The following ABI1 variants were observed in gnomAD, a reference collection of about 807,000 sequenced individuals.
ABI1 encodes abl interactor 1.
ABI1 carries 14 observed loss-of-function variants against 54.6 expected under a neutral mutation model. The observed-to-expected ratio is 0.26, with a 90% CI of 0.17 to 0.40. The LOEUF is 0.40. Among genes scored for constraint, ABI1 ranks in the 10% least tolerant of loss-of-function variants. ABI1 has a pLI of 1.00. For synonymous variants in ABI1, 194 were observed against 209.3 expected (o/e 0.93, Z 0.63); for missense variants, 443 against 598.3 (o/e 0.74, Z 2.71).
intron 1 of ABI1, among the ~76,000 whole-genome samples, chr10:26,855,088 T>C (rs2050702504): frequency 6.6e-6 from 1 of 152,208 alleles, no homozygotes; most frequent in Non-Finnish European, 1.5e-5. Flanking sequence ...AACCAGTAAG[T>C]ATATAATGCA....
chr10:26,839,132 T>C (rs1331896460), intron 1 of ABI1, among the ~76,000 whole-genome samples: 1 of 152,178 alleles, frequency 6.6e-6, no homozygotes, highest in Non-Finnish European at 1.5e-5. Flanking sequence ...GAAACAAAAA[T>C]TAAACATTTA....
intron 1 of ABI1, among the ~76,000 whole-genome samples, chr10:26,853,433 C>T (rs1375205913): frequency 6.6e-6 from 1 of 150,680 alleles, no homozygotes. Context: ...ATAAATATTA[C>T]AATCAACACA....
At chr10:26,789,368 G>A (rs1233238469) in intron 2 of ABI1, among the ~76,000 whole-genome samples, 1 of 152,060 alleles carries the variant, frequency 6.6e-6, no homozygotes, top group Non-Finnish European at 1.5e-5. Context: ...TGTACAGGGG[G>A]AATCACCTTT....
chr10:26,773,216 T>TC (rs1008738575), intron 3 of ABI1, among the ~76,000 whole-genome samples: 9 of 90,394 alleles, frequency 1.0e-4, no homozygotes, highest in African/African-American at 6.4e-4. Context: ...ATGCTAATTC[T>TC]TTTTTTTTTT....
chr10:26,853,170 G>A (rs895920883), intron 1 of ABI1, among the ~76,000 whole-genome samples: 2 of 143,228 alleles, frequency 1.4e-5, no homozygotes, highest in African/African-American at 5.2e-5. Flanking sequence ...GGGAGGCGGA[G>A]CTTGCAGTGA....
chr10:26,795,440 G>T (rs1844030683), intron 2 of ABI1, among the ~76,000 whole-genome samples: 2 of 152,080 alleles, frequency 1.3e-5, no homozygotes, highest in Non-Finnish European at 2.9e-5. Context: ...ATTTAAATCA[G>T]AAAGGAAGTA....
At chr10:26,758,017 G>A (rs185558422) in intron 8 of ABI1, among the ~76,000 whole-genome samples, 2 of 135,752 alleles carry the variant, frequency 1.5e-5, no homozygotes, top group East Asian at 2.3e-4. Flanking sequence ...GCAGTGGACC[G>A]AGATCGCGCC....
At chr10:26,787,985 T>C (rs1020498265) in intron 2 of ABI1, among the ~76,000 whole-genome samples, 2 of 152,226 alleles carry the variant, frequency 1.3e-5, no homozygotes, top group Non-Finnish European at 1.5e-5. Context: ...ATTTTGCTTA[T>C]GATAAGGTTT....
Position 26,768,859 on chromosome 10 carries a change from T to C in ABI1, c.712A>G (p.Thr238Ala). ...RTASLNQRPR[T>A]HSGSSGGSGS... The stretch of plus-strand genomic sequence containing the variant: ...CTCAACCTAAAGGCTTACCTGTGTG[T>C]CCTTGGTCTCTGATTTAAAGATGCT... The change falls in exon 6 of 11, where the codon ACA becomes GCA. Residue 238 changes from threonine to alanine, a missense_variant. This residue lies in a region of ABI1 where 394 missense variants were observed against 484.8 expected (regional missense o/e 0.81). Transcript: ENST00000376140. 1 of 1,612,822 alleles carries C rather than the reference T, an allele frequency of 6.2e-7. No individual in the cohort carries two copies. Among genetic ancestry groups the C allele is most frequent in the Non-Finnish European group, 8.5e-7 (1 of 1,179,342 alleles).
At chr10:26,833,031 T>G (rs1337114684) in intron 1 of ABI1, among the ~76,000 whole-genome samples, 1 of 152,154 alleles carries the variant, frequency 6.6e-6, no homozygotes, top group Admixed American at 6.5e-5. Context: ...AAAAATAAAT[T>G]TTTTGCATGA....
intron 1 of ABI1, among the ~76,000 whole-genome samples, chr10:26,855,969 T>C (rs1354234787): frequency 3.9e-5 from 2 of 50,746 alleles, no homozygotes; most frequent in Non-Finnish European, 6.2e-5. Context: ...AGACTCCATC[T>C]CAAAAAAAAA....
chr10:26,774,604 T>A (rs1841146941), intron 3 of ABI1, among the ~76,000 whole-genome samples: 2 of 152,138 alleles, frequency 1.3e-5, no homozygotes, highest in Admixed American at 1.3e-4. Flanking sequence ...TGCATATTTT[T>A]AAATTCCTAT....
At chr10:26,823,667 T>A (rs2048126610) in intron 1 of ABI1, among the ~76,000 whole-genome samples, 1 of 152,202 alleles carries the variant, frequency 6.6e-6, no homozygotes, top group Admixed American at 6.5e-5. Context: ...CCACTTACAA[T>A]GAAATGGACT....
intron 7 of ABI1, among the ~76,000 whole-genome samples, chr10:26,760,831 G>A (rs575342891): frequency 7.5e-6 from 1 of 132,838 alleles, no homozygotes; most frequent in East Asian, 2.2e-4. Flanking sequence ...TGGAGGTTGC[G>A]TGAGCCAAGA....
At chr10:26,856,560 G>A (rs1210860255) in intron 1 of ABI1, among the ~76,000 whole-genome samples, 2 of 150,974 alleles carry the variant, frequency 1.3e-5, no homozygotes, top group African/African-American at 4.9e-5. Flanking sequence ...CCCACCTTCT[G>A]AGATTAAATG....
intron 2 of ABI1, among the ~76,000 whole-genome samples, chr10:26,804,012 T>G (rs2046725122): frequency 6.6e-6 from 1 of 151,388 alleles, no homozygotes; most frequent in Non-Finnish European, 1.5e-5. Flanking sequence ...AAAAAAAAAA[T>G]TCTATTATAT....
intron 7 of ABI1, among the ~76,000 whole-genome samples, chr10:26,763,374 T>C (rs1213486977): frequency 6.6e-6 from 1 of 152,220 alleles, no homozygotes; most frequent in Non-Finnish European, 1.5e-5. Flanking sequence ...TTTAAATGCA[T>C]TTTATCGAGA....
intron 1 of ABI1, among the ~76,000 whole-genome samples, chr10:26,826,992 C>A (rs2048342188): frequency 6.6e-6 from 1 of 151,842 alleles, no homozygotes; most frequent in African/African-American, 2.4e-5. Context: ...TGGCTTACTG[C>A]AACTTCCACC....
At chr10:26,767,686 C>T (rs573367743) in intron 6 of ABI1, among the ~76,000 whole-genome samples, 13 of 152,108 alleles carry the variant, frequency 8.5e-5, no homozygotes, top group Non-Finnish European at 1.9e-4. Flanking sequence ...TTTCTGAATG[C>T]TTGTTATGCT....
Sources: allele counts gnomAD v4.1 joint callset (sites outside exome capture counted in the v4.1 genomes callset), GRCh38; gene constraint gnomAD v4.1.1; regional missense constraint gnomAD v4.1.1; transcripts MANE v1.5; gene names NCBI Gene and HGNC (gene_info 2026-07-23, HGNC 2026-07-21).